The following SLC35F1 variants were observed in gnomAD, a reference collection of about 807,000 sequenced individuals.
SLC35F1 encodes the protein chromosome 6 open reading frame 169.
In SLC35F1, 14 loss-of-function variants were observed where a neutral mutation model predicts 48.7. The observed-to-expected ratio is 0.29, with a 90% CI of 0.19 to 0.45. SLC35F1 has a LOEUF of 0.45. SLC35F1 is among the 20% of genes least tolerant of loss of function. SLC35F1 has a pLI of 1.00. For missense variants in SLC35F1, 404 were observed against 500.0 expected (o/e 0.81, Z 1.83); for synonymous variants, 190 against 202.2 (o/e 0.94, Z 0.51).
intron 7 of SLC35F1, among the ~76,000 whole-genome samples, chr6:118,304,915 C>T (rs1353481436): frequency 7.0e-6 from 1 of 142,070 alleles, no homozygotes; most frequent in East Asian, 2.0e-4. Context: ...CTTGATATTC[C>T]CTGAAAAATA....
intron 1 of SLC35F1, among the ~76,000 whole-genome samples, chr6:117,976,473 TGTTCTTTGTTCA>T (rs1181517278): frequency 6.6e-6 from 1 of 152,004 alleles, no homozygotes; most frequent in African/African-American, 2.4e-5. Context: ...GCAAAGATTT[TGTTCTTTGTTCA>T]GTTTAATTCC....
chr6:117,963,879 C>T (rs1342426371), intron 1 of SLC35F1, among the ~76,000 whole-genome samples: 1 of 152,116 alleles, frequency 6.6e-6, no homozygotes, highest in Non-Finnish European at 1.5e-5. Context: ...CATAGGTAAA[C>T]ATGCGCCATG....
intron 1 of SLC35F1, among the ~76,000 whole-genome samples, chr6:118,024,174 A>G (rs73766413): frequency 0.023 from 3,533 of 152,250 alleles, 143 homozygotes; most frequent in African/African-American, 0.081. Context: ...ATTTGTTCCA[A>G]ATCAGTTAGC....
intron 2 of SLC35F1, among the ~76,000 whole-genome samples, chr6:118,173,396 C>A (rs867998057): frequency 0.017 from 1,924 of 110,294 alleles, 71 homozygotes; most frequent in African/African-American, 0.14. Context: ...AAAAAAAAAA[C>A]AAAAAACAAA....
chr6:118,268,066 A>G (rs1775800710), intron 4 of SLC35F1, among the ~76,000 whole-genome samples: 1 of 152,204 alleles, frequency 6.6e-6, no homozygotes, highest in South Asian at 2.1e-4. Flanking sequence ...TTTATGAGAC[A>G]AGGTCACGTT....
chr6:118,101,274 G>A lies in SLC35F1; in HGVS notation c.174-53171G>A, dbSNP rs370855143. Among the ~76,000 whole-genome samples, 17 of 152,254 alleles carry A rather than the reference G, an allele frequency of 1.1e-4. No homozygotes were observed. The South Asian group carries it at 1.2e-3, about 11-fold the overall frequency. ...ATGGTGGAGGCTGCTGGTGAAAACC[G>A]CCCTAAAGTAATTTACAAGGAGTTC... On this transcript the variant is annotated intron_variant, in intron 1 of 7. Transcript: ENST00000360388.
At chr6:118,116,375 A>G (rs1208109983) in intron 1 of SLC35F1, among the ~76,000 whole-genome samples, 1 of 152,200 alleles carries the variant, frequency 6.6e-6, no homozygotes, top group Admixed American at 6.5e-5. Context: ...TTCCATGGGC[A>G]CACAGAGTCT....
At chr6:118,162,468 T>C (rs562614761) in intron 2 of SLC35F1, among the ~76,000 whole-genome samples, 4 of 152,192 alleles carry the variant, frequency 2.6e-5, no homozygotes, top group Non-Finnish European at 5.9e-5. Flanking sequence ...CCTGACTATA[T>C]ACATTTGTTG....
At chr6:117,979,081 A>G (rs1408207714) in intron 1 of SLC35F1, among the ~76,000 whole-genome samples, 1 of 152,198 alleles carries the variant, frequency 6.6e-6, no homozygotes, top group African/African-American at 2.4e-5. Flanking sequence ...TCCATTTTTC[A>G]GCTTAGCCTG....
intron 4 of SLC35F1, among the ~76,000 whole-genome samples, chr6:118,274,245 G>C (rs1775892399): frequency 6.6e-6 from 1 of 152,122 alleles, no homozygotes; most frequent in Non-Finnish European, 1.5e-5. Flanking sequence ...TGGGTACAGA[G>C]CCCACCAGTG....
chr6:118,074,649 T>A (rs1772791815), intron 1 of SLC35F1, among the ~76,000 whole-genome samples: 1 of 152,138 alleles, frequency 6.6e-6, no homozygotes, highest in Admixed American at 6.5e-5. Context: ...TTAAGACAGG[T>A]AGATTTTTCT....
chr6:118,195,317 G>T (rs1488245315), intron 2 of SLC35F1, among the ~76,000 whole-genome samples: 3 of 152,134 alleles, frequency 2.0e-5, no homozygotes, highest in Admixed American at 6.5e-5. Context: ...ACACTTCAAT[G>T]TGTTGTTTAT....
At chr6:118,040,155 C>A (rs899722478) in intron 1 of SLC35F1, among the ~76,000 whole-genome samples, 1 of 152,116 alleles carries the variant, frequency 6.6e-6, no homozygotes, top group African/African-American at 2.4e-5. Context: ...TCTGGGATTT[C>A]TCTCCCACCC....
intron 2 of SLC35F1, among the ~76,000 whole-genome samples, chr6:118,160,451 A>G (rs1774213515): frequency 6.6e-6 from 1 of 152,260 alleles, no homozygotes; most frequent in African/African-American, 2.4e-5. Context: ...GAGTGTAAAA[A>G]TGAAACAAGT....
intron 1 of SLC35F1, among the ~76,000 whole-genome samples, chr6:118,150,800 TTA>T (rs1414044800): frequency 1.3e-5 from 2 of 152,240 alleles, no homozygotes; most frequent in African/African-American, 4.8e-5. Flanking sequence ...ATCATTGATA[TTA>T]TGTTACATGG....
At chr6:118,067,846 T>G (rs1233172317) in intron 1 of SLC35F1, among the ~76,000 whole-genome samples, 1 of 152,074 alleles carries the variant, frequency 6.6e-6, no homozygotes, top group Non-Finnish European at 1.5e-5. Context: ...CCTGAGTGTC[T>G]GATTCAGTAG....
chr6:118,260,023 G>A (rs1775692806), intron 3 of SLC35F1, among the ~76,000 whole-genome samples: 1 of 152,072 alleles, frequency 6.6e-6, no homozygotes, highest in Non-Finnish European at 1.5e-5. Context: ...TATCCATACA[G>A]TGCAATATTA....
chr6:118,291,441 T>C (rs1776122075), intron 7 of SLC35F1, among the ~76,000 whole-genome samples: 1 of 152,246 alleles, frequency 6.6e-6, no homozygotes, highest in South Asian at 2.1e-4. Flanking sequence ...TCTTCAGATA[T>C]TCTGGATACC....
At chr6:118,263,031 T>C (rs1382939022) in intron 3 of SLC35F1, among the ~76,000 whole-genome samples, 1 of 152,206 alleles carries the variant, frequency 6.6e-6, no homozygotes, top group African/African-American at 2.4e-5. Flanking sequence ...TGTGCCTCCA[T>C]GTCTCTATCT....
Sources: gnomAD v4.1 joint callset for allele counts (sites outside exome capture counted in the v4.1 genomes callset) on GRCh38, gnomAD v4.1.1 for gene constraint, MANE v1.5 for transcripts, NCBI Gene and HGNC (gene_info 2026-07-23, HGNC 2026-07-21) for gene names.